Variants in STK31 observed in about 807,000 individuals in gnomAD.
STK31 encodes serine/threonine-protein kinase 31.
Under a neutral mutation model 129.7 loss-of-function variants are expected in STK31, and 89 were observed. That is an observed-to-expected ratio of 0.69 (90% CI 0.58 to 0.82). The LOEUF (loss-of-function observed/expected upper bound fraction) is 0.82, where lower values mean the gene tolerates loss of function less well. Among genes scored for constraint, STK31 ranks in the 40% least tolerant of loss-of-function variants. The pLI is 0.00. For synonymous variants in STK31, 448 were observed against 395.3 expected (o/e 1.13, Z -1.58); for missense variants, 1,187 against 1,176.4 (o/e 1.01, Z -0.13).
rs925387272 is a variant in STK31, at chr7:23,770,880, C to G, written c.1714-125C>G. 3.1e-5 allele frequency: 31 copies of G among 998,404 alleles called. No homozygotes were observed. The African/African-American group carries it at 4.7e-4, about 15-fold the overall frequency. The allele number at this position is 998,404 out of a possible 1,614,324, so 61.8% of individuals were successfully genotyped here. On this transcript the variant is annotated intron_variant, in intron 13 of 23. Transcript: ENST00000355870. Reference sequence around the variant, plus strand: ...CTAGGAAAACATTTGTGTTTAAGAACTGTTTTGAAATCACTGCGGAAATCT... The same window carrying G: ...CTAGGAAAACATTTGTGTTTAAGAAGTGTTTTGAAATCACTGCGGAAATCT...
chr7:23,769,562 T>C, intron 12 of STK31, 78 bp from the exon 13 acceptor site: 1 of 981,186 alleles, frequency 1.0e-6, no homozygotes, highest in Non-Finnish European at 1.6e-6. Flanking sequence ...AGCTTAATAC[T>C]CTGCTTCAGG....
intron 8 of STK31, among the ~76,000 whole-genome samples, chr7:23,737,386 C>T (rs956367490): frequency 3.3e-5 from 5 of 152,264 alleles, no homozygotes; most frequent in Admixed American, 3.3e-4. Context: ...TTCTCATGTG[C>T]CCATCACCCA....
At chr7:23,765,094 C>T (rs1264021770) in intron 11 of STK31, among the ~76,000 whole-genome samples, 2 of 151,434 alleles carry the variant, frequency 1.3e-5, no homozygotes, top group Non-Finnish European at 2.9e-5. Context: ...CTCGCTCTGT[C>T]GCCTAGGCTG....
intron 22 of STK31, among the ~76,000 whole-genome samples, chr7:23,793,873 T>C (rs116982439): frequency 6.6e-6 from 1 of 152,328 alleles, no homozygotes; most frequent in Non-Finnish European, 1.5e-5. Flanking sequence ...GCAATTCCAC[T>C]TCTAGATATT....
intron 22 of STK31, among the ~76,000 whole-genome samples, chr7:23,794,738 T>A (rs112174086): frequency 6.6e-6 from 1 of 152,152 alleles, no homozygotes; most frequent in African/African-American, 2.4e-5. Context: ...TAAACGCGAC[T>A]CTTGATGTTT....
At chr7:23,760,003 G>A (rs945030191) in intron 10 of STK31, among the ~76,000 whole-genome samples, 5 of 152,182 alleles carry the variant, frequency 3.3e-5, no homozygotes, top group Admixed American at 2.0e-4. Flanking sequence ...ATTAATTAGT[G>A]TCTGAGTCAC....
intron 23 of STK31, among the ~76,000 whole-genome samples, chr7:23,827,355 C>T (rs61231989): frequency 0.021 from 3,255 of 152,132 alleles, 140 homozygotes; most frequent in African/African-American, 0.074. Context: ...TTTCATCTTC[C>T]GTCACTGATA....
chr7:23,783,291 T>G (rs994319239), intron 16 of STK31, among the ~76,000 whole-genome samples: 2 of 152,226 alleles, frequency 1.3e-5, no homozygotes, highest in Admixed American at 1.3e-4. Context: ...TCCACACTGC[T>G]AAGTTACATT....
chr7:23,752,300 T>C (rs1788757087), intron 8 of STK31, among the ~76,000 whole-genome samples: 1 of 152,178 alleles, frequency 6.6e-6, no homozygotes, highest in East Asian at 1.9e-4. Context: ...AATATTAATT[T>C]GAAATAAAAA....
chr7:23,719,553 T>C (rs1584322065), intron 4 of STK31, among the ~76,000 whole-genome samples: 1 of 152,248 alleles, frequency 6.6e-6, no homozygotes, highest in Middle Eastern at 3.4e-3. Flanking sequence ...AGTGAACATT[T>C]CTGACAGGTG....
intron 8 of STK31, among the ~76,000 whole-genome samples, chr7:23,750,839 G>A (rs1429694171): frequency 6.6e-6 from 1 of 152,114 alleles, no homozygotes. Flanking sequence ...AGGTATTTAG[G>A]ATATCGATCA....
chr7:23,775,267 C>T (rs1790465881), intron 15 of STK31, among the ~76,000 whole-genome samples: 2 of 152,126 alleles, frequency 1.3e-5, no homozygotes, highest in African/African-American at 4.8e-5. Context: ...AGCATGATGC[C>T]TCCAGCTTTG....
intron 22 of STK31, among the ~76,000 whole-genome samples, chr7:23,808,833 G>A (rs971211335): frequency 1.5e-4 from 23 of 152,068 alleles, no homozygotes; most frequent in African/African-American, 3.9e-4. Flanking sequence ...GCAGTTTTTC[G>A]TTTGGTGTGT....
At chr7:23,738,901 A>G (rs1034309849) in intron 8 of STK31, among the ~76,000 whole-genome samples, 1 of 152,206 alleles carries the variant, frequency 6.6e-6, no homozygotes, top group Non-Finnish European at 1.5e-5. Context: ...GTTGGTTCCA[A>G]GTCTTTGCCA....
At chr7:23,780,607 A>G (rs1032380835) in intron 15 of STK31, among the ~76,000 whole-genome samples, 2 of 152,222 alleles carry the variant, frequency 1.3e-5, no homozygotes, top group African/African-American at 4.8e-5. Context: ...TCACTAGCTC[A>G]GTGAATCTGC....
chr7:23,742,272 G>A lies in STK31; in HGVS notation c.1017+5194G>A, dbSNP rs1788094702. On this transcript the variant is annotated intron_variant, in intron 8 of 23. Transcript: ENST00000355870. ...CAGCATGAGCAAGAAGGTGTATGGA[G>A]TATGATCTACTTATGTCTCAGTCTC... Among the ~76,000 whole-genome samples the A allele has an allele frequency of 4.6e-5, 7 of 152,230 alleles. No individual in the cohort carries two copies. In the South Asian group the frequency reaches 1.4e-3, roughly 32 times the overall value.
rs1260821881 is a variant in STK31 at position 23,792,251 on chromosome 7, A to C, written c.2760+1305A>C. ...ATGTAGAAAATCTTTGAGAATGTACATAAAAGCTACTAGAACAAATGAGTT... is the reference window on the plus strand; with the variant it reads ...ATGTAGAAAATCTTTGAGAATGTACCTAAAAGCTACTAGAACAAATGAGTT... On this transcript the variant is annotated intron_variant, in intron 22 of 23. Transcript: ENST00000355870. Among the ~76,000 whole-genome samples, 3 of 152,244 alleles carry C rather than the reference A, an allele frequency of 2.0e-5. No individual in the cohort carries two copies. The East Asian group carries it at 5.8e-4, about 29-fold the overall frequency.
intron 22 of STK31, among the ~76,000 whole-genome samples, chr7:23,814,213 C>T (rs1288678216): frequency 8.4e-6 from 1 of 118,528 alleles, no homozygotes; most frequent in African/African-American, 3.2e-5. Context: ...TTCCTCTAGT[C>T]CTGGGGTCTT....
chr7:23,796,272 T>C (rs1791947529), intron 22 of STK31, among the ~76,000 whole-genome samples: 1 of 152,200 alleles, frequency 6.6e-6, no homozygotes, highest in Non-Finnish European at 1.5e-5. Flanking sequence ...ACCAGCACCC[T>C]CATGGAAATA....
Sources: allele counts gnomAD v4.1 joint callset (sites outside exome capture counted in the v4.1 genomes callset), GRCh38; gene constraint gnomAD v4.1.1; transcripts MANE v1.5; gene names NCBI Gene and HGNC (gene_info 2026-07-23, HGNC 2026-07-21).